HDX: variants seen among roughly 807,000 people sequenced by gnomAD.
The protein encoded by HDX is highly divergent homeobox.
A neutral mutation model predicts 45.2 loss-of-function variants in HDX; 19 were observed. That is an observed-to-expected ratio of 0.42 (90% CI 0.29 to 0.62). The LOEUF (loss-of-function observed/expected upper bound fraction) is 0.62, where lower values mean the gene tolerates loss of function less well. Among genes scored for constraint, HDX ranks in the 20% least tolerant of loss-of-function variants. The probability of loss-of-function intolerance (pLI) is 0.20; values close to 1 mark genes in which losing one functional copy is unlikely to be tolerated. For missense variants in HDX, 532 were observed against 493.9 expected (o/e 1.08, Z -0.73); for synonymous variants, 188 against 172.8 (o/e 1.09, Z -0.69).
At chrX:84,409,574 G>A (rs1220866685) in intron 5 of HDX, among the ~76,000 whole-genome samples, 1 of 106,348 alleles carries the variant, frequency 9.4e-6, no homozygotes, top group Non-Finnish European at 1.9e-5. Flanking sequence ...TCCTTTGTAG[G>A]GACATGGATG....
intron 6 of HDX, among the ~76,000 whole-genome samples, chrX:84,354,576 AG>A: frequency 9.0e-6 from 1 of 110,690 alleles, no homozygotes; most frequent in Non-Finnish European, 1.9e-5. Context: ...GATAAACAAC[AG>A]AAATGCATAT....
rs987847171 is a variant in HDX, at chrX:84,330,006, AAAT to A, written c.1825-3709_1825-3707del. Among the ~76,000 whole-genome samples the A allele has an allele frequency of 3.4e-4, 38 of 111,834 alleles. 1 individual carries two copies. Among genetic ancestry groups the A allele is most frequent in the African/African-American group, 1.2e-3 (36 of 30,809 alleles). On this transcript the variant is annotated intron_variant, in intron 9 of 10. Coordinates refer to ENST00000373177, the MANE Select transcript of HDX (RefSeq NM_001177479.2). ...GAATTGTATGAATGGTGAATATGGT[AAAT>A]AATAATAATATATTGTACATTTCAA...
intron 5 of HDX, among the ~76,000 whole-genome samples, chrX:84,407,974 T>A (rs1306639660): frequency 8.9e-6 from 1 of 111,767 alleles, no homozygotes; most frequent in Non-Finnish European, 1.9e-5. Flanking sequence ...TGAAAATATC[T>A]TCCCCGATTG....
chrX:84,448,702 T>A (rs2148079692), intron 4 of HDX, among the ~76,000 whole-genome samples: 1 of 110,466 alleles, frequency 9.1e-6, no homozygotes, highest in South Asian at 3.9e-4. Context: ...TTATACCAGA[T>A]GCTCAGATGT....
At chrX:84,403,687 G>A (rs1287075577) in intron 5 of HDX, among the ~76,000 whole-genome samples, 1 of 111,703 alleles carries the variant, frequency 9.0e-6, no homozygotes, top group Admixed American at 9.6e-5. Flanking sequence ...CAATATTCAG[G>A]CAAATAGTGA....
At chrX:84,411,032 T>A (rs2038972316) in intron 5 of HDX, among the ~76,000 whole-genome samples, 1 of 111,743 alleles carries the variant, frequency 8.9e-6, no homozygotes, top group Non-Finnish European at 1.9e-5. Flanking sequence ...CATTTCTCTT[T>A]GTGTTTATTT....
At position 84,361,602 on chromosome X, in the gene HDX, C is replaced by A. The variant is rs868328516; in HGVS notation, c.1316G>T (p.Arg439Leu). The change falls in exon 6 of 11, where the codon CGC becomes CTC. Residue 439 changes from arginine (R) to leucine (L), a missense_variant. This residue lies in a region of HDX where 376 missense variants were observed against 343.7 expected (regional missense o/e 1.09). Transcript: ENST00000373177. ...TAAGTCTCGGTCACTGAACTGAGTG[C>A]GGTCCTGTAGCTGAAAAACACATTT... ...GCSRKRALQD[R>L]TQFSDRDLAT... The A allele has an allele frequency of 2.5e-6, 3 of 1,179,620 alleles. No individual in the cohort carries two copies. The highest frequency in any genetic ancestry group is 2.3e-6 in the Non-Finnish European group (2 of 877,681).
At chrX:84,467,948 T>C (rs1334554717) in intron 4 of HDX, among the ~76,000 whole-genome samples, 1 of 112,100 alleles carries the variant, frequency 8.9e-6, no homozygotes, top group Non-Finnish European at 1.9e-5. Context: ...GACTACTCTC[T>C]CACTTAATGT....
At chrX:84,334,165 G>A (rs1426376028) in intron 8 of HDX, among the ~76,000 whole-genome samples, 6 of 111,361 alleles carry the variant, frequency 5.4e-5, no homozygotes, top group Non-Finnish European at 1.1e-4. Flanking sequence ...CTGTAATGGT[G>A]GTCTATTTTA....
intron 7 of HDX, among the ~76,000 whole-genome samples, chrX:84,339,959 T>G (rs1050422206): frequency 1.8e-5 from 2 of 111,899 alleles, no homozygotes; most frequent in African/African-American, 6.5e-5. Flanking sequence ...AGCTCAGCCA[T>G]CTAGCTATTA....
In HDX at chrX:84,405,660, A is replaced by ATGTGTG. The variant is rs200660633; in HGVS notation, c.1305+34871_1305+34872insCACACA. ...AGCCTCACAAGCTATATATATATAT[A>ATGTGTG]TATATGTGTGTGTGTGTGTGTGTGT... On this transcript the variant is annotated intron_variant, in intron 5 of 10. Coordinates refer to ENST00000373177, the MANE Select transcript of HDX (RefSeq NM_001177479.2). Among the ~76,000 whole-genome samples the ATGTGTG allele has an allele frequency of 1.7e-3, 146 of 84,145 alleles. 2 individuals are homozygous for ATGTGTG. In the Middle Eastern group the frequency reaches 0.047, roughly 27 times the overall value. The allele number at this position is 84,145 out of a possible 115,157, so 73.1% of individuals were successfully genotyped here.
At chrX:84,462,955 T>C (rs1415527419) in intron 4 of HDX, among the ~76,000 whole-genome samples, 1 of 111,070 alleles carries the variant, frequency 9.0e-6, no homozygotes, top group East Asian at 2.8e-4. Context: ...TCCATTTATA[T>C]TAAAATGCAG....
chrX:84,352,728 G>A (rs780078253), intron 6 of HDX, among the ~76,000 whole-genome samples: 1 of 111,836 alleles, frequency 8.9e-6, no homozygotes, highest in African/African-American at 3.2e-5. Flanking sequence ...CGTTGAAAAT[G>A]GATTGCTATA....
At chrX:84,351,206 A>G (rs759020170) in intron 6 of HDX, among the ~76,000 whole-genome samples, 3 of 110,713 alleles carry the variant, frequency 2.7e-5, no homozygotes, top group Admixed American at 9.7e-5. Context: ...TACCACCCCA[A>G]TGAGGAGGAG....
chrX:84,452,041 G>T (rs906836360), intron 4 of HDX, among the ~76,000 whole-genome samples: 1 of 111,412 alleles, frequency 9.0e-6, no homozygotes, highest in Non-Finnish European at 1.9e-5. Context: ...GGACAAATAT[G>T]AAAACCAACA....
chrX:84,363,431 G>A (rs2037668509), intron 5 of HDX, among the ~76,000 whole-genome samples: 2 of 112,067 alleles, frequency 1.8e-5, no homozygotes, highest in African/African-American at 3.2e-5. Context: ...CATAATGGAA[G>A]TGATAATGAA....
intron 5 of HDX, among the ~76,000 whole-genome samples, chrX:84,375,913 A>G (rs1031584400): frequency 1.8e-4 from 20 of 112,481 alleles, no homozygotes; most frequent in African/African-American, 6.5e-4. Flanking sequence ...AATAAAAAAT[A>G]CAAATTGAAA....
At chrX:84,460,310 G>A (rs929148941) in intron 4 of HDX, among the ~76,000 whole-genome samples, 1 of 111,464 alleles carries the variant, frequency 9.0e-6, no homozygotes, top group Non-Finnish European at 1.9e-5. Flanking sequence ...CTAGCAAATC[G>A]ATCATAAGAA....
intron 5 of HDX, among the ~76,000 whole-genome samples, chrX:84,364,812 A>G (rs1325789300): frequency 9.0e-6 from 1 of 110,602 alleles, no homozygotes; most frequent in East Asian, 2.9e-4. Flanking sequence ...TGGTTCTATG[A>G]GTTTGACTAT....
Sources: allele counts gnomAD v4.1 joint callset (sites outside exome capture counted in the v4.1 genomes callset), GRCh38; gene constraint gnomAD v4.1.1; regional missense constraint gnomAD v4.1.1; transcripts MANE v1.5; gene names NCBI Gene and HGNC (gene_info 2026-07-23, HGNC 2026-07-21).